The following FAIM2 variants were observed in gnomAD, a reference collection of about 807,000 sequenced individuals.
FAIM2 encodes the protein Fas apoptotic inhibitory molecule 2.
A neutral mutation model predicts 47.4 loss-of-function variants in FAIM2; 27 were observed. The ratio of observed to expected loss-of-function variants is 0.57; its 90% CI spans 0.42 to 0.78. FAIM2 has a LOEUF of 0.78. FAIM2 is among the 30% of genes least tolerant of loss of function. The pLI, the probability that FAIM2 is intolerant of heterozygous loss-of-function variation, is 0.00. For synonymous variants in FAIM2, 156 were observed against 159.3 expected (o/e 0.98, Z 0.16); for missense variants, 311 against 389.4 (o/e 0.80, Z 1.69).
chr12:49,874,946 A>G lies in FAIM2; in HGVS notation c.802-4293T>C, dbSNP rs188016501. On this transcript the variant is annotated intron_variant, in intron 11 of 11. Coordinates refer to ENST00000320634, the MANE Select transcript of FAIM2 (RefSeq NM_012306.4). The surrounding 1 kb of genome is among the most constrained non-coding windows in gnomAD (Gnocchi z 4.2). Reference sequence around the variant, plus strand: ...GAAAAAAGCAAGTTGTGAAAAATCTATATCGTATGATCCCATAAAACTATA... The same window carrying G: ...GAAAAAAGCAAGTTGTGAAAAATCTGTATCGTATGATCCCATAAAACTATA... Among the ~76,000 whole-genome samples, 241 of 152,316 alleles carry G rather than the reference A, an allele frequency of 1.6e-3. No homozygotes were observed. The highest frequency in any genetic ancestry group is 0.014 in the South Asian group (68 of 4,826).
rs771446550 is a variant in FAIM2 at position 49,897,504 on chromosome 12, A to G, written c.380+15T>C. 2.9e-5 allele frequency: 47 copies of G among 1,613,180 alleles called. No individual in the cohort carries two copies. The highest frequency in any genetic ancestry group is 3.8e-5 in the Non-Finnish European group (45 of 1,179,240). Reference sequence around the variant, plus strand: ...AGTCATCCCTGGAAGGTGCTGGTCCATGCTGCCAACTCACCAGAAAGTAAA... The same window carrying G: ...AGTCATCCCTGGAAGGTGCTGGTCCGTGCTGCCAACTCACCAGAAAGTAAA... On this transcript the variant is annotated intron_variant, in intron 4 of 11. Coordinates refer to ENST00000320634, the MANE Select transcript of FAIM2 (RefSeq NM_012306.4).
chr12:49,899,290 T>C (rs1035215919), intron 2 of FAIM2, among the ~76,000 whole-genome samples: 5 of 152,156 alleles, frequency 3.3e-5, no homozygotes, highest in African/African-American at 1.2e-4. Flanking sequence ...GTTCATTTTG[T>C]CCCTCCACTG....
intron 11 of FAIM2, among the ~76,000 whole-genome samples, chr12:49,871,745 C>T (rs1300012354): frequency 1.3e-5 from 2 of 151,376 alleles, no homozygotes; most frequent in Non-Finnish European, 2.9e-5. Context: ...CAGCTCACTG[C>T]AACCTCCACC....
intron 2 of FAIM2, chr12:49,900,217 T>C (rs759639613): frequency 3.1e-4 from 401 of 1,286,648 alleles, no homozygotes; most frequent in Non-Finnish European, 3.8e-4. Context: ...GCCCAGGGGA[T>C]TTGTAGTGGG....
chr12:49,889,891 AG>A (rs1216115918), intron 8 of FAIM2, among the ~76,000 whole-genome samples: 2 of 151,922 alleles, frequency 1.3e-5, no homozygotes, highest in African/African-American at 4.8e-5. Flanking sequence ...ACTGTTTGGG[AG>A]GAGCCACCTT....
At chr12:49,888,973 AGGGGCCGCACAGGATGGCAGGCTGT>A (rs1715023908) in intron 10 of FAIM2, 109 bp downstream of exon 10, 2 of 678,822 alleles carry the variant, frequency 2.9e-6, no homozygotes, top group South Asian at 3.2e-5. Context: ...AGGTGCCAGG[AGGGGCCGCACAGGATGGCAGGCTGT>A]GGGGCCTTGG....
intron 5 of FAIM2, among the ~76,000 whole-genome samples, chr12:49,895,930 G>C (rs1001055219): frequency 6.6e-6 from 1 of 152,248 alleles, no homozygotes. Context: ...CCTGCATGGA[G>C]CCTTCCAGCT....
At chr12:49,879,778 A>G (rs1173767676) in intron 11 of FAIM2, among the ~76,000 whole-genome samples, 19 of 147,136 alleles carry the variant, frequency 1.3e-4, no homozygotes, top group Non-Finnish European at 2.7e-4. Context: ...GTGTGTATAT[A>G]TGTGCATGTG....
chr12:49,889,162 AG>A lies in FAIM2; in HGVS notation c.691del (p.Leu231SerfsTer2). ...TSCQGVLFVL[L>X]MTLFFSGLIL... ...GAGTCCGCTGAAGAAAAGAGTCATG[AG>A]AAGCACGAAGAGCACGCCCTGGCAG... On this transcript the variant is annotated frameshift_variant, in exon 10 of 12. Transcript: ENST00000320634. LOFTEE classifies it high-confidence loss of function. The A allele has an allele frequency of 6.2e-7, 1 of 1,612,580 alleles. No homozygotes were observed. The highest frequency in any genetic ancestry group is 8.5e-7 in the Non-Finnish European group (1 of 1,179,428).
In FAIM2 at chr12:49,896,889, G is replaced by A. The variant is rs1050840882; in HGVS notation, c.434+142C>T. 5 of 737,190 alleles carry A rather than the reference G, an allele frequency of 6.8e-6. No individual in the cohort carries two copies. In the African/African-American group the frequency reaches 8.6e-5, roughly 13 times the overall value. The allele number at this position is 737,190 out of a possible 1,614,324, so 45.7% of individuals were successfully genotyped here. On this transcript the variant is annotated intron_variant, in intron 5 of 11. Coordinates refer to ENST00000320634, the MANE Select transcript of FAIM2 (RefSeq NM_012306.4). ...CTCTGAAGCCGACAGAATGGGGCAG[G>A]GTTGGAGGGGATCTGTGAGGACAGT...
chr12:49,888,603 C>G (rs903542105), intron 10 of FAIM2, among the ~76,000 whole-genome samples: 5 of 152,148 alleles, frequency 3.3e-5, no homozygotes, highest in Non-Finnish European at 5.9e-5. Context: ...TCTAAAAGAG[C>G]TGAGACTTGG....
At chr12:49,898,693 A>AT (rs1437080951) in intron 2 of FAIM2, among the ~76,000 whole-genome samples, 1 of 151,926 alleles carries the variant, frequency 6.6e-6, no homozygotes, top group Admixed American at 6.6e-5. Flanking sequence ...CGCCTGGCTA[A>AT]TATTTTATAT....
intron 2 of FAIM2, among the ~76,000 whole-genome samples, chr12:49,900,929 A>G (rs1368657956): frequency 6.6e-6 from 1 of 152,208 alleles, no homozygotes; most frequent in Non-Finnish European, 1.5e-5. Flanking sequence ...CCTGATGCAG[A>G]CATTGTATCT....
At chr12:49,880,611 TGA>T (rs1565615205) in intron 11 of FAIM2, among the ~76,000 whole-genome samples, 5 of 114,084 alleles carry the variant, frequency 4.4e-5, no homozygotes, top group African/African-American at 1.1e-4. Flanking sequence ...TGTGTGCATG[TGA>T]GTGTATGTGC....
In FAIM2 at chr12:49,903,772, C is replaced by G. The variant is rs1354370532; in HGVS notation, c.15+6G>C. On this transcript the variant is annotated splice_donor_region_variant and intron_variant, in intron 1 of 11. Transcript: ENST00000320634. ...AGGATGGTGCAGGCTGGGGAGATGC[C>G]GGTACCTTTCCCTGGGTCATGGTGC... The G allele has an allele frequency of 1.3e-6, 2 of 1,547,718 alleles. No homozygotes were observed. Among genetic ancestry groups the G allele is most frequent in the African/African-American group, 2.8e-5 (2 of 72,572 alleles).
intron 11 of FAIM2, 44 bp from the exon 12 acceptor site, chr12:49,870,697 C>T (rs773123972): frequency 2.5e-6 from 4 of 1,600,600 alleles, no homozygotes; most frequent in Non-Finnish European, 3.4e-6. Flanking sequence ...GAGGCCCAGG[C>T]AGTGTGACAC....
In FAIM2 at chr12:49,889,186, C is replaced by A; in HGVS notation, c.668G>T (p.Cys223Phe). The A allele has an allele frequency of 4.3e-6, 7 of 1,611,324 alleles. No individual in the cohort carries two copies. The highest frequency in any genetic ancestry group is 5.9e-6 in the Non-Finnish European group (7 of 1,178,790). The change falls in exon 10 of 12, where the codon TGC becomes TTC. Residue 223 changes from cysteine (C) to phenylalanine (F), a missense_variant. Physicochemically the swap from Cys to Phe is radical, Grantham distance 205. Coordinates refer to ENST00000320634, the MANE Select transcript of FAIM2 (RefSeq NM_012306.4). ...SFQTKFDFTS[C>F]QGVLFVLLMT... ...GAGAAGCACGAAGAGCACGCCCTGG[C>A]AGGAGGTGAAGTCGAACTGTGGGGA...
chr12:49,879,663 T>G (rs1488705455), intron 11 of FAIM2, among the ~76,000 whole-genome samples: 1 of 149,004 alleles, frequency 6.7e-6, no homozygotes, highest in African/African-American at 2.5e-5. Flanking sequence ...AATGTGTATA[T>G]GTGAGTGTGT....
intron 3 of FAIM2, 45 bp downstream of exon 3, chr12:49,897,942 C>T (rs1946950766): frequency 2.0e-6 from 3 of 1,466,248 alleles, no homozygotes; most frequent in South Asian, 2.3e-5. Flanking sequence ...CCAGGGGCTC[C>T]CCCACTGAGG....
Sources: allele counts gnomAD v4.1 joint callset (sites outside exome capture counted in the v4.1 genomes callset), GRCh38; gene constraint gnomAD v4.1.1; non-coding constraint Gnocchi (gnomAD v3.1); transcripts MANE v1.5; gene names NCBI Gene and HGNC (gene_info 2026-07-23, HGNC 2026-07-21).